The following BAG1 variants were observed in gnomAD, a reference collection of about 807,000 sequenced individuals.
BAG1 encodes BAG family molecular chaperone regulator 1.
In BAG1, 35 loss-of-function variants were observed where a neutral mutation model predicts 35.5. That is an observed-to-expected ratio of 0.99 (90% confidence interval 0.75 to 1.31). The LOEUF is 1.31. Ranked by LOEUF, BAG1 falls within the 50% of genes most tolerant of loss-of-function variation. The probability of loss-of-function intolerance (pLI) is 0.00; values close to 1 mark genes in which losing one functional copy is unlikely to be tolerated. For synonymous variants in BAG1, 191 were observed against 178.9 expected, an observed-to-expected ratio of 1.07 and a Z score of -0.54; for missense variants, 464 against 453.6, an observed-to-expected ratio of 1.02 and a Z score of -0.21.
chr9:33,256,070 C>G (rs1342891336), intron 5 of BAG1, 143 bp from the exon 6 acceptor site: 5 of 744,824 alleles, frequency 6.7e-6, no homozygotes, highest in Non-Finnish European at 6.8e-6. Flanking sequence ...AATGTGATAT[C>G]CATTTTCAGG....
intron 2 of BAG1, chr9:33,262,135 T>C (rs1469925004): frequency 1.6e-6 from 2 of 1,289,770 alleles, no homozygotes; most frequent in Non-Finnish European, 2.0e-6. Context: ...ATGAGCTTCA[T>C]CGAAAATGGT....
At position 33,254,873 on chromosome 9, in the gene BAG1, G is replaced by T; in HGVS notation, c.*346C>A. ...CCTCATGTATCTGAAGACTGAGGGGGCCTATAAACCTGAAACTGGCCCAAG... is the reference window on the plus strand; with the variant it reads ...CCTCATGTATCTGAAGACTGAGGGGTCCTATAAACCTGAAACTGGCCCAAG... On this transcript the variant is annotated 3_prime_UTR_variant, in exon 7 of 7. Coordinates refer to ENST00000634734, the MANE Select transcript of BAG1 (RefSeq NM_004323.6). 1 of 488,342 alleles carries T rather than the reference G, an allele frequency of 2.0e-6. No homozygotes were observed. Among genetic ancestry groups the T allele is most frequent in the Non-Finnish European group, 3.5e-6 (1 of 288,514 alleles). The allele number at this position is 488,342 out of a possible 1,614,324, so 30.3% of individuals were successfully genotyped here.
chr9:33,255,773 CACGCTCCTACACT>C, intron 6 of BAG1, 79 bp downstream of exon 6: 1 of 1,411,408 alleles, frequency 7.1e-7, no homozygotes, highest in African/African-American at 1.4e-5. Flanking sequence ...TACCACACAC[CACGCTCCTACACT>C]ACCTGATTTT....
chr9:33,258,950 C>G lies in BAG1; in HGVS notation c.747G>C (p.Glu249Asp). 3 of 1,614,198 alleles carry G rather than the reference C, an allele frequency of 1.9e-6. No individual in the cohort carries two copies. The highest frequency in any genetic ancestry group is 2.5e-6 in the Non-Finnish European group (3 of 1,180,002). ...GGATTCCAGTAAGCTCTTTATTCAACTCTTCCAGCTGGTCAGCTATCTTCT... is the reference window on the plus strand; with the variant it reads ...GGATTCCAGTAAGCTCTTTATTCAAGTCTTCCAGCTGGTCAGCTATCTTCT... The change falls in exon 4 of 7, where the codon GAG becomes GAC. Residue 249 changes from glutamate (E) to aspartate (D), a missense_variant. By Grantham distance (45) the Glu-to-Asp change is conservative. Coordinates refer to ENST00000634734, the MANE Select transcript of BAG1 (RefSeq NM_004323.6).
At position 33,262,778 on chromosome 9, in the gene BAG1, T is replaced by G; in HGVS notation, c.504A>C (p.Pro168=). The G allele has an allele frequency of 1.2e-6, 2 of 1,614,132 alleles. No homozygotes were observed. The highest frequency in any genetic ancestry group is 1.7e-6 in the Non-Finnish European group (2 of 1,179,978). ...CAACCTGGGCCAGGTCTTGGACAACTGGTTCACTGCTGCCCTGCTGGGAGG... is the reference window on the plus strand; with the variant it reads ...CAACCTGGGCCAGGTCTTGGACAACGGGTTCACTGCTGCCCTGCTGGGAGG... The change falls in exon 2 of 7, where the codon CCA becomes CCC. Residue 168 remains proline (P), a synonymous_variant. Coordinates refer to ENST00000634734, the MANE Select transcript of BAG1 (RefSeq NM_004323.6).
chr9:33,254,762 A>G lies in BAG1; in HGVS notation c.*457T>C, dbSNP rs1384289388. 2 of 323,586 alleles carry G rather than the reference A, an allele frequency of 6.2e-6. No homozygotes were observed. Among genetic ancestry groups the G allele is most frequent in the East Asian group, 1.7e-4 (2 of 12,108 alleles). 20.0% of individuals were successfully genotyped at this position (323,586 alleles called of 1,614,324 possible). A position where few individuals can be genotyped will look rare whatever the true frequency, so the allele number is the denominator to read the frequency against. On this transcript the variant is annotated 3_prime_UTR_variant, in exon 7 of 7. Transcript: ENST00000634734. The stretch of plus-strand genomic sequence containing the variant: ...TGTGCCAAACACCTTGTTCTAGGCC[A>G]TTCCCAATATTCCTGACTAGGTGCA...
chr9:33,260,408 A>C (rs541402521), intron 3 of BAG1: 3 of 152,376 alleles, frequency 2.0e-5, no homozygotes, highest in Admixed American at 6.5e-5. Context: ...GCAAGTCCTG[A>C]GTTCCAGTCT....
Position 33,264,572 on chromosome 9 carries a change from G to C in BAG1, c.103C>G (p.Pro35Ala). 1.4e-6 allele frequency: 2 copies of C among 1,419,364 alleles called. No individual in the cohort carries two copies. The highest frequency in any genetic ancestry group is 1.8e-6 in the Non-Finnish European group (2 of 1,095,886). 87.9% of individuals were successfully genotyped at this position (1,419,364 alleles called of 1,614,324 possible). Reference sequence around the variant, plus strand: ...GGAGGCGGACCACGCTGGGCCGGGGGCTCCGACTGGCGCGGCTCCCGGCCT... The same window carrying C: ...GGAGGCGGACCACGCTGGGCCGGGGCCTCCGACTGGCGCGGCTCCCGGCCT... The change falls in exon 1 of 7, where the codon CCC becomes GCC. Residue 35 changes from proline (P) to alanine (A), a missense_variant. Physicochemically the swap from Pro to Ala is conservative, Grantham distance 27 (BLOSUM62 -1). Coordinates refer to ENST00000634734, the MANE Select transcript of BAG1 (RefSeq NM_004323.6).
intron 4 of BAG1, 91 bp downstream of exon 4, chr9:33,258,829 G>A (rs540073474): frequency 1.8e-4 from 187 of 1,025,928 alleles, no homozygotes; most frequent in Admixed American, 1.7e-3. Context: ...AACCCAGGGA[G>A]TCTGACTGCA....
At chr9:33,260,716 G>C (rs1587790008) in intron 3 of BAG1, among the ~76,000 whole-genome samples, 1 of 152,200 alleles carries the variant, frequency 6.6e-6, no homozygotes, top group African/African-American at 2.4e-5. Context: ...AACTGGAACA[G>C]AGTGATTATT....
At chr9:33,257,740 T>C (rs1298518162) in intron 4 of BAG1, 1 of 152,200 alleles carries the variant, frequency 6.6e-6, no homozygotes, top group Non-Finnish European at 1.5e-5. Flanking sequence ...AAATAATACA[T>C]TTATACAAGA....
rs573756922 is a variant in BAG1 at position 33,255,202 on chromosome 9, C to T, written c.*17G>A. 1.2e-6 allele frequency: 2 copies of T among 1,614,230 alleles called. No homozygotes were observed. The highest frequency in any genetic ancestry group is 1.7e-6 in the Non-Finnish European group (2 of 1,180,044). On this transcript the variant is annotated 3_prime_UTR_variant, in exon 7 of 7. Transcript: ENST00000634734. Reference sequence around the variant, plus strand: ...GGCGCCATTCTTCAGGGCAGCACAGCCTTTTTCTGCTACACCTCACTCGGC... The same window carrying T: ...GGCGCCATTCTTCAGGGCAGCACAGTCTTTTTCTGCTACACCTCACTCGGC...
intron 4 of BAG1, among the ~76,000 whole-genome samples, chr9:33,258,463 A>G (rs957665476): frequency 3.3e-5 from 5 of 152,108 alleles, no homozygotes; most frequent in Non-Finnish European, 7.4e-5. Context: ...TGACTCCCCC[A>G]ACCCCACTAT....
chr9:33,256,054 A>G (rs919481883), intron 5 of BAG1, 127 bp from the exon 6 acceptor site: 7 of 815,296 alleles, frequency 8.6e-6, no homozygotes, highest in Admixed American at 4.3e-5. Flanking sequence ...ACAGGTCACC[A>G]ATGTAAATGT....
At chr9:33,256,967 C>T (rs1218152175) in intron 4 of BAG1, 59 bp from the exon 5 acceptor site, 5 of 1,272,838 alleles carry the variant, frequency 3.9e-6, no homozygotes. Flanking sequence ...AGACTCCATG[C>T]CACAATACTA....
intron 1 of BAG1, 109 bp downstream of exon 1, chr9:33,264,115 G>A: frequency 1.5e-6 from 2 of 1,314,840 alleles, no homozygotes; most frequent in Admixed American, 2.5e-5. Flanking sequence ...GCTTCCGGAC[G>A]CCAGGACAAG....
In BAG1 at chr9:33,264,337, C is replaced by T. The variant is rs1820656863; in HGVS notation, c.338G>A (p.Gly113Asp). The T allele has an allele frequency of 6.2e-7, 1 of 1,613,564 alleles. No individual in the cohort carries two copies. The highest frequency in any genetic ancestry group is 1.3e-5 in the African/African-American group (1 of 74,764). The change falls in exon 1 of 7, where the codon GGC (glycine) becomes GAC (aspartate). Residue 113 changes from glycine (G) to aspartate (D), a missense_variant. Transcript: ENST00000634734. ...CTCCTGGCTCCGATTCATCTCTTCG[C>T]CCTGGGTCGCCTCCTCACTCTGGGT... is the stretch of plus-strand genomic sequence containing the variant.
rs1190471259 is a variant in BAG1 at position 33,253,824 on chromosome 9, T to A, written c.*1395A>T. The A allele has an allele frequency of 2.0e-5, 3 of 152,070 alleles. No homozygotes were observed. The highest frequency in any genetic ancestry group is 4.8e-5 in the African/African-American group (2 of 41,410). 9.4% of individuals were successfully genotyped at this position (152,070 alleles called of 1,614,324 possible). ...ATGATGAGCACATAAACAGTTTTTT[T>A]TTCTTTTTATTTATCTACTTTTACT... On this transcript the variant is annotated 3_prime_UTR_variant, in exon 7 of 7. Transcript: ENST00000634734.
At chr9:33,262,066 G>A (rs749076532) in intron 2 of BAG1, 1 of 1,247,684 alleles carries the variant, frequency 8.0e-7, no homozygotes, top group Non-Finnish European at 1.0e-6. Flanking sequence ...AAAATAGCAG[G>A]GAGTACCATG....
Sources: allele counts gnomAD v4.1 joint callset (sites outside exome capture counted in the v4.1 genomes callset), GRCh38; gene constraint gnomAD v4.1.1; transcripts MANE v1.5; gene names NCBI Gene and HGNC (gene_info 2026-07-23, HGNC 2026-07-21).